TASP1: variants seen among roughly 807,000 people sequenced by gnomAD.
TASP1 encodes taspase 1, also known as threonine aspartase 1.
In TASP1, 16 loss-of-function variants were observed where a neutral mutation model predicts 56.6. The observed-to-expected ratio is 0.28, with a 90% CI of 0.19 to 0.43. The LOEUF is 0.43. Ranked by LOEUF, TASP1 falls within the 20% of genes least tolerant of loss-of-function variation. The probability of loss-of-function intolerance (pLI) is 1.00; values close to 1 mark genes in which losing one functional copy is unlikely to be tolerated. For missense variants in TASP1, 393 were observed against 511.6 expected, an observed-to-expected ratio of 0.77 and a Z score of 2.24; for synonymous variants, 179 against 184.2, an observed-to-expected ratio of 0.97 and a Z score of 0.23.
the TASP1 span, among the ~76,000 whole-genome samples, chr20:13,191,844 C>A: frequency 6.6e-6 from 1 of 152,118 alleles, no homozygotes; most frequent in Non-Finnish European, 1.5e-5. Context: ...TGAAATATCA[C>A]CTGTGCCTCA....
chr20:13,412,533 C>A (rs906252348), intron 13 of TASP1, among the ~76,000 whole-genome samples: 8 of 152,276 alleles, frequency 5.3e-5, no homozygotes, highest in African/African-American at 1.7e-4. Flanking sequence ...AGTGGAGTTT[C>A]TTTGCACTTC....
intron 10 of TASP1, among the ~76,000 whole-genome samples, chr20:13,516,476 T>C (rs899850192): frequency 6.6e-6 from 1 of 152,016 alleles, no homozygotes; most frequent in Non-Finnish European, 1.5e-5. Flanking sequence ...CTGTGAACCA[T>C]ATGAAGGGAG....
At chr20:13,435,787 C>T (rs1156271170) in intron 11 of TASP1, among the ~76,000 whole-genome samples, 1 of 152,094 alleles carries the variant, frequency 6.6e-6, no homozygotes, top group African/African-American at 2.4e-5. Context: ...ACATCTTCTT[C>T]AAACATCTGG....
chr20:13,241,996 G>GT, the TASP1 span, among the ~76,000 whole-genome samples: 1 of 152,190 alleles, frequency 6.6e-6, no homozygotes, highest in East Asian at 1.9e-4. Context: ...AAGAAGGAAA[G>GT]TAAAAACAAG....
the TASP1 span, among the ~76,000 whole-genome samples, chr20:13,369,206 G>C: frequency 1.3e-5 from 2 of 152,226 alleles, no homozygotes; most frequent in Admixed American, 1.3e-4. Flanking sequence ...AGCACTTTGG[G>C]AGGCTGAGGC....
the TASP1 span, among the ~76,000 whole-genome samples, chr20:13,106,053 A>C: frequency 1.3e-5 from 2 of 152,314 alleles, no homozygotes; most frequent in Non-Finnish European, 2.9e-5. Flanking sequence ...AGTGGTTAAT[A>C]ATGTACGCTA....
intron 10 of TASP1, among the ~76,000 whole-genome samples, chr20:13,517,304 G>A (rs2044577335): frequency 6.6e-6 from 1 of 152,062 alleles, no homozygotes. Flanking sequence ...TAAAACAGCT[G>A]CTGCTTTATT....
chr20:13,453,678 ACTATTCATTACATACTGAACC>A (rs2043714615), intron 11 of TASP1, among the ~76,000 whole-genome samples: 1 of 152,098 alleles, frequency 6.6e-6, no homozygotes. Flanking sequence ...GTTATTACGT[ACTATTCATTACATACTGAACC>A]CCATTCTAGA....
intron 11 of TASP1, among the ~76,000 whole-genome samples, chr20:13,478,014 A>T (rs1175075332): frequency 1.3e-5 from 2 of 152,182 alleles, no homozygotes; most frequent in African/African-American, 4.8e-5. Context: ...AATAGATTTA[A>T]ACAAACCCTA....
At chr20:13,311,248 G>GATAC in the TASP1 span, among the ~76,000 whole-genome samples, 3 of 106,174 alleles carry the variant, frequency 2.8e-5, no homozygotes, top group Non-Finnish European at 5.8e-5. Context: ...ATAGATGATA[G>GATAC]ATAGATAGAT....
At chr20:13,337,619 G>A in the TASP1 span, among the ~76,000 whole-genome samples, 1,634 of 152,298 alleles carry the variant, frequency 0.011, 21 homozygotes, top group African/African-American at 0.037. Context: ...TGGCAGGCTT[G>A]GCGGTTCATC....
At chr20:13,391,100 G>C (rs1003871677) in intron 13 of TASP1, among the ~76,000 whole-genome samples, 4 of 152,160 alleles carry the variant, frequency 2.6e-5, no homozygotes, top group African/African-American at 9.6e-5. Flanking sequence ...TCAGGTAGGT[G>C]GTTCATGTAG....
intron 1 of TASP1, among the ~76,000 whole-genome samples, chr20:13,633,594 TTAAGA>T (rs1305689271): frequency 6.6e-6 from 1 of 152,070 alleles, no homozygotes; most frequent in African/African-American, 2.4e-5. Context: ...GTCTTTACAG[TTAAGA>T]TGAGGGAGAA....
chr20:13,415,334 C>CT (rs1273251636), intron 13 of TASP1, among the ~76,000 whole-genome samples: 3 of 151,958 alleles, frequency 2.0e-5, no homozygotes, highest in African/African-American at 7.2e-5. Flanking sequence ...ATAACTTTGT[C>CT]TTACTTGCAA....
rs535764159 is a variant in TASP1, at chr20:13,616,381, C to G, written c.282+7065G>C. 1.3e-3 allele frequency among the ~76,000 whole-genome samples: 192 copies of G among 152,264 alleles called. 1 individual carries two copies. Among genetic ancestry groups the G allele is most frequent in the African/African-American group, 4.3e-3 (178 of 41,558 alleles). The stretch of plus-strand genomic sequence containing the variant: ...CATACATAGAGAGTTCCATGCTCCT[C>G]AGGAACTGCTAGGTCTGATCTTGGA... On this transcript the variant is annotated intron_variant, in intron 4 of 13. Transcript: ENST00000337743.
At chr20:13,417,691 T>C (rs917061355) in intron 12 of TASP1, among the ~76,000 whole-genome samples, 170 bp from the exon 13 acceptor site, 1 of 152,248 alleles carries the variant, frequency 6.6e-6, no homozygotes, top group African/African-American at 2.4e-5. Flanking sequence ...AACTGTGTAA[T>C]GCCATTTACT....
the TASP1 span, chr20:13,117,626 C>T: frequency 1.2e-6 from 2 of 1,614,076 alleles, no homozygotes; most frequent in Non-Finnish European, 1.7e-6. Flanking sequence ...GCCGGGGTGT[C>T]ACGGAGTTCT....
intron 8 of TASP1, among the ~76,000 whole-genome samples, chr20:13,538,264 A>G (rs868685942): frequency 3.9e-5 from 6 of 152,168 alleles, no homozygotes; most frequent in African/African-American, 1.2e-4. Context: ...TTGGCCTCCC[A>G]AAGTGCTGGG....
chr20:13,118,918 C>T, the TASP1 span, among the ~76,000 whole-genome samples: 4 of 152,340 alleles, frequency 2.6e-5, no homozygotes, highest in East Asian at 7.7e-4. Flanking sequence ...TTTTAAGTGG[C>T]CTTTACCCTT....
Sources: allele counts gnomAD v4.1 joint callset (sites outside exome capture counted in the v4.1 genomes callset), GRCh38; gene constraint gnomAD v4.1.1; transcripts MANE v1.5; gene names NCBI Gene and HGNC (gene_info 2026-07-23, HGNC 2026-07-21).